Variants in CDH13 observed in about 807,000 individuals in gnomAD.
CDH13 encodes the protein cadherin-13.
A neutral mutation model predicts 63.8 loss-of-function variants in CDH13; 24 were observed. The observed-to-expected ratio is 0.38, with a 90% CI of 0.27 to 0.53. CDH13 has a LOEUF of 0.53. Ranked by LOEUF, CDH13 falls within the 20% of genes least tolerant of loss-of-function variation. The pLI is 0.85. For missense variants in CDH13, 1,049 were observed against 903.1 expected (o/e 1.16, Z -2.07); for synonymous variants, 503 against 355.3 (o/e 1.42, Z -4.67).
Position 83,047,084 on chromosome 16 carries a change from G to C in CDH13, c.366+14866G>C, listed in dbSNP as rs1004193127. On this transcript the variant is annotated intron_variant, in intron 3 of 13. Transcript: ENST00000567109. This position sits in a 1 kb window ranked among gnomAD's most constrained non-coding sequence, Gnocchi z 4.9. ...GAGTCAGGCAAATTAGGATTCCTTT[G>C]ACAGCAACTTTTTACAACTTCCTTC... Among the ~76,000 whole-genome samples the C allele has an allele frequency of 2.6e-5, 4 of 152,102 alleles. No homozygotes were observed. The highest frequency in any genetic ancestry group is 9.7e-5 in the African/African-American group (4 of 41,404).
chr16:82,796,047 A>G (rs1021670294), intron 1 of CDH13, among the ~76,000 whole-genome samples: 1 of 151,476 alleles, frequency 6.6e-6, no homozygotes, highest in Non-Finnish European at 1.5e-5. Context: ...CCAACAGATG[A>G]GTCCCTTGCC....
intron 1 of CDH13, among the ~76,000 whole-genome samples, chr16:82,641,605 T>C (rs900347317): frequency 2.0e-5 from 3 of 152,182 alleles, no homozygotes; most frequent in Admixed American, 6.5e-5. Flanking sequence ...TTTTCAACAA[T>C]GAATGAATAA....
intron 1 of CDH13, among the ~76,000 whole-genome samples, chr16:82,690,113 A>G (rs1481113942): frequency 7.5e-5 from 10 of 133,838 alleles, no homozygotes; most frequent in African/African-American, 2.8e-4. Context: ...GGTTGCAGTG[A>G]GCCAAGATTG....
chr16:83,014,816 G>GTATA, intron 2 of CDH13, among the ~76,000 whole-genome samples: 1 of 64,170 alleles, frequency 1.6e-5, no homozygotes, highest in African/African-American at 5.8e-5. Context: ...ATATATATTT[G>GTATA]TATATATATA....
At chr16:82,663,764 A>G (rs986761699) in intron 1 of CDH13, among the ~76,000 whole-genome samples, 6 of 152,196 alleles carry the variant, frequency 3.9e-5, no homozygotes, top group African/African-American at 1.2e-4. Context: ...AAGAGCCCAC[A>G]TAAGAACCAA....
intron 4 of CDH13, among the ~76,000 whole-genome samples, chr16:83,134,428 G>T (rs1439516538): frequency 6.6e-6 from 1 of 152,068 alleles, no homozygotes; most frequent in African/African-American, 2.4e-5. Flanking sequence ...GACCTCAGGT[G>T]ATCCACCTGC....
chr16:83,066,290 A>T (rs182983017), intron 3 of CDH13, among the ~76,000 whole-genome samples: 2 of 152,328 alleles, frequency 1.3e-5, no homozygotes, highest in East Asian at 3.9e-4. Flanking sequence ...TTCCTAAGAC[A>T]TGAGACTTTC....
intron 7 of CDH13, among the ~76,000 whole-genome samples, chr16:83,574,635 C>T (rs1007326149): frequency 3.9e-5 from 6 of 152,200 alleles, no homozygotes; most frequent in Non-Finnish European, 7.3e-5. Context: ...GATGGCATTC[C>T]GTGCCTGCGA....
chr16:83,073,510 C>G lies in CDH13; in HGVS notation c.366+41292C>G, dbSNP rs148028983. Among the ~76,000 whole-genome samples, 4 of 152,118 alleles carry G rather than the reference C, an allele frequency of 2.6e-5. 1 individual carries two copies. The highest frequency in any genetic ancestry group is 7.2e-5 in the African/African-American group (3 of 41,492). On this transcript the variant is annotated intron_variant, in intron 3 of 13. Transcript: ENST00000567109. ...CAAAAGTTAGGCAGGCATTCACACA[C>G]ATGGCGATGAGAATTCCCCACATTT...
chr16:83,238,656 G>C (rs1310509367), intron 5 of CDH13, among the ~76,000 whole-genome samples: 1 of 152,120 alleles, frequency 6.6e-6, no homozygotes. Flanking sequence ...GGATTGGCAG[G>C]GGAGATCCTG....
chr16:82,815,008 T>C (rs921430084), intron 1 of CDH13, among the ~76,000 whole-genome samples: 1 of 152,172 alleles, frequency 6.6e-6, no homozygotes, highest in African/African-American at 2.4e-5. Flanking sequence ...GTAAAACATT[T>C]TGTTTTTTTT....
intron 4 of CDH13, among the ~76,000 whole-genome samples, chr16:83,150,436 G>A (rs1174924044): frequency 6.6e-6 from 1 of 151,808 alleles, no homozygotes; most frequent in Non-Finnish European, 1.5e-5. Flanking sequence ...CTCACATTCT[G>A]GCTTTTTCTT....
At chr16:83,629,091 A>G (rs1397489583) in intron 8 of CDH13, among the ~76,000 whole-genome samples, 4 of 152,164 alleles carry the variant, frequency 2.6e-5, no homozygotes, top group African/African-American at 9.7e-5. Context: ...TGATTTTTGT[A>G]TTTGTAACAG....
chr16:83,547,152 G>A lies in CDH13; in HGVS notation c.961-55302G>A, dbSNP rs540109781. Among the ~76,000 whole-genome samples the A allele has an allele frequency of 1.1e-4, 16 of 152,236 alleles. No individual in the cohort carries two copies. In the East Asian group the frequency reaches 2.1e-3, roughly 20 times the overall value. ...CTAGTGGGGGAGGCAAACTTGAATCGAATGATGGCACAAATAAGTGTGGAA... is the reference window on the plus strand; with the variant it reads ...CTAGTGGGGGAGGCAAACTTGAATCAAATGATGGCACAAATAAGTGTGGAA... On this transcript the variant is annotated intron_variant, in intron 7 of 13. Transcript: ENST00000567109.
At chr16:83,035,778 T>A (rs1192575494) in intron 3 of CDH13, among the ~76,000 whole-genome samples, 1 of 152,206 alleles carries the variant, frequency 6.6e-6, no homozygotes, top group Non-Finnish European at 1.5e-5. Flanking sequence ...TGAGCCTCTA[T>A]GTAGTTTTGA....
chr16:83,418,554 G>A (rs768424045), intron 6 of CDH13, among the ~76,000 whole-genome samples: 5 of 152,314 alleles, frequency 3.3e-5, no homozygotes, highest in Non-Finnish European at 7.3e-5. Flanking sequence ...CAAGTTACAA[G>A]TTAGGGTTTG....
At chr16:83,123,270 A>C (rs540893077) in intron 3 of CDH13, among the ~76,000 whole-genome samples, 8 of 151,736 alleles carry the variant, frequency 5.3e-5, no homozygotes, top group Non-Finnish European at 1.0e-4. Flanking sequence ...ATATATATAT[A>C]TCCCACATTT....
intron 4 of CDH13, among the ~76,000 whole-genome samples, chr16:83,159,678 C>T (rs567617608): frequency 5.4e-4 from 83 of 152,326 alleles, no homozygotes; most frequent in African/African-American, 1.7e-3. Context: ...TTTAATTTCT[C>T]ATTTGAACGT....
chr16:83,174,032 G>C (rs1302431815), intron 4 of CDH13, among the ~76,000 whole-genome samples: 2 of 151,940 alleles, frequency 1.3e-5, no homozygotes, highest in African/African-American at 2.4e-5. Flanking sequence ...CGAGGGAAAG[G>C]AGAGGGACTT....
Sources: gnomAD v4.1 joint callset for allele counts (sites outside exome capture counted in the v4.1 genomes callset) on GRCh38, gnomAD v4.1.1 for gene constraint, Gnocchi (gnomAD v3.1) non-coding constraint, MANE v1.5 for transcripts, NCBI Gene and HGNC (gene_info 2026-07-23, HGNC 2026-07-21) for gene names.